The following BRIP1 variants were observed in gnomAD, a reference collection of about 807,000 sequenced individuals.
BRIP1 encodes BRCA1 interacting DNA helicase 1, also known as Fanconi anemia group J protein.
Under a neutral mutation model 119.7 loss-of-function variants are expected in BRIP1, and 88 were observed. The observed-to-expected ratio is 0.74, with a 90% confidence interval of 0.62 to 0.88. The LOEUF is 0.88. BRIP1 is among the 40% of genes least tolerant of loss of function. The pLI, the probability that BRIP1 is intolerant of heterozygous loss-of-function variation, is 0.00. For synonymous variants in BRIP1, 443 were observed against 496.5 expected (o/e 0.89, Z 1.43); for missense variants, 1,259 against 1,455.4 (o/e 0.87, Z 2.20).
intron 10 of BRIP1, among the ~76,000 whole-genome samples, chr17:61,787,271 A>C (rs2077738013): frequency 1.3e-5 from 1 of 79,020 alleles, no homozygotes; most frequent in African/African-American, 5.0e-5. Flanking sequence ...TAAAATATAT[A>C]AAAATATATT....
intron 14 of BRIP1, among the ~76,000 whole-genome samples, chr17:61,764,351 T>C (rs2077320246): frequency 6.6e-6 from 1 of 152,212 alleles, no homozygotes; most frequent in Non-Finnish European, 1.5e-5. Flanking sequence ...CATGTTAACC[T>C]ACCCTCAACT....
At chr17:61,719,867 C>T (rs992275198) in intron 16 of BRIP1, among the ~76,000 whole-genome samples, 6 of 151,950 alleles carry the variant, frequency 3.9e-5, no homozygotes, top group African/African-American at 9.7e-5. Flanking sequence ...CTCAGTCTGT[C>T]CCCCAGACTG....
rs1422958547 is a variant in BRIP1 at position 61,743,111 on chromosome 17, A to C, written c.2281T>G (p.Cys761Gly). ...EKDGALLVAV[C>G]RGKVSEGLDF... is the part of the protein sequence containing the mutation. ...AGACCCTCACTCACTTTACCACGACAAACTGCTACCAGGAGAGCTCCATCT... is the reference window on the plus strand; with the variant it reads ...AGACCCTCACTCACTTTACCACGACCAACTGCTACCAGGAGAGCTCCATCT... The change falls in exon 16 of 20, where the codon TGT becomes GGT. Residue 761 changes from cysteine (C) to glycine (G), a missense_variant. Around this residue, in one of 3 missense-constraint regions of BRIP1, gnomAD observed 753 missense variants for 891.8 expected, o/e 0.84. Coordinates refer to ENST00000259008, the MANE Select transcript of BRIP1 (RefSeq NM_032043.3). This position sits in a 1 kb window ranked among gnomAD's most constrained non-coding sequence, Gnocchi z 4.3. The C allele has an allele frequency of 6.2e-7, 1 of 1,613,924 alleles. No individual in the cohort carries two copies. The highest frequency in any genetic ancestry group is 8.5e-7 in the Non-Finnish European group (1 of 1,179,938).
Position 61,793,474 on chromosome 17 carries a change from TA to T in BRIP1, c.1473+122del, listed in dbSNP as rs2077849603. ...TATCAAATTTAGATAATAAAATTTT[TA>T]AAAAATTAAATTGCTATATTTAACA... On this transcript the variant is annotated intron_variant, in intron 10 of 19. Transcript: ENST00000259008. The surrounding 1 kb of genome is among the most constrained non-coding windows in gnomAD (Gnocchi z 5.2). The T allele has an allele frequency of 2.3e-6, 2 of 871,682 alleles. No homozygotes were observed. Among genetic ancestry groups the T allele is most frequent in the Middle Eastern group, 3.5e-4 (1 of 2,820 alleles). 54.0% of individuals were successfully genotyped at this position (871,682 alleles called of 1,614,324 possible).
In BRIP1 at chr17:61,816,737, G is replaced by C. The variant is rs2078242404; in HGVS notation, c.628-7980C>G. Among the ~76,000 whole-genome samples, 1 of 115,046 alleles carries C rather than the reference G, an allele frequency of 8.7e-6. No homozygotes were observed. Among genetic ancestry groups the C allele is most frequent in the Admixed American group, 8.4e-5 (1 of 11,884 alleles). The allele number at this position is 115,046 out of a possible 152,430, so 75.5% of individuals were successfully genotyped here. ...GATCAACTTCATGAGAAAAACCCAGGGTGTTTATAAAAAATAAAAAGGGGA... is the reference window on the plus strand; with the variant it reads ...GATCAACTTCATGAGAAAAACCCAGCGTGTTTATAAAAAATAAAAAGGGGA... On this transcript the variant is annotated intron_variant, in intron 6 of 19. Coordinates refer to ENST00000259008, the MANE Select transcript of BRIP1 (RefSeq NM_032043.3). The surrounding 1 kb of genome is among the most constrained non-coding windows in gnomAD (Gnocchi z 5.0).
At chr17:61,830,300 TA>T (rs35560519) in intron 6 of BRIP1, among the ~76,000 whole-genome samples, 3 of 137,292 alleles carry the variant, frequency 2.2e-5, no homozygotes, top group Non-Finnish European at 3.1e-5. Flanking sequence ...CAATGGTAAT[TA>T]AAAAAAAAAA....
chr17:61,780,538 G>A lies in BRIP1; in HGVS notation c.1795-137C>T. On this transcript the variant is annotated intron_variant, in intron 12 of 19. Transcript: ENST00000259008. This position sits in a 1 kb window ranked among gnomAD's most constrained non-coding sequence, Gnocchi z 5.4. ...AGTCTAGGAGTCTGAGACCAGCCTG[G>A]GCAATATGGTGAAACCCCGTCTCTA... The A allele has an allele frequency of 3.6e-6, 3 of 823,634 alleles. No homozygotes were observed. In the East Asian group the frequency reaches 7.8e-5, roughly 21 times the overall value. The allele number at this position is 823,634 out of a possible 1,614,324, so 51.0% of individuals were successfully genotyped here.
At position 61,682,948 on chromosome 17, in the gene BRIP1, A is replaced by T. The variant is rs1603274383; in HGVS notation, c.*348T>A. On this transcript the variant is annotated 3_prime_UTR_variant, in exon 20 of 20. Coordinates refer to ENST00000259008, the MANE Select transcript of BRIP1 (RefSeq NM_032043.3). The surrounding 1 kb of genome is among the most constrained non-coding windows in gnomAD (Gnocchi z 4.9). ...GGAGTTCGAGACCAGCCTGGCCAAC[A>T]TGGTGAAACCCCATCTCTACTAAAA... is the stretch of plus-strand genomic sequence containing the variant. 1 of 253,900 alleles carries T rather than the reference A, an allele frequency of 3.9e-6. No homozygotes were observed. Among genetic ancestry groups the T allele is most frequent in the East Asian group, 6.8e-5 (1 of 14,676 alleles). 15.7% of individuals were successfully genotyped at this position (253,900 alleles called of 1,614,324 possible). A position where few individuals can be genotyped will look rare whatever the true frequency, so the allele number is the denominator to read the frequency against.
At position 61,798,486 on chromosome 17, in the gene BRIP1, C is replaced by T. The variant is rs556410627; in HGVS notation, c.1340+614G>A. ...AATTTGTATACATTTTGTCTTCAAA[C>T]CATGTGACTGTGTAACATTCAAATT... On this transcript the variant is annotated intron_variant, in intron 9 of 19. Transcript: ENST00000259008. The surrounding 1 kb of genome is among the most constrained non-coding windows in gnomAD (Gnocchi z 5.5). Among the ~76,000 whole-genome samples, 15 of 151,978 alleles carry T rather than the reference C, an allele frequency of 9.9e-5. No homozygotes were observed. Among genetic ancestry groups the T allele is most frequent in the African/African-American group, 3.6e-4 (15 of 41,506 alleles).
At chr17:61,840,531 T>C (rs996007131) in intron 6 of BRIP1, among the ~76,000 whole-genome samples, 14 of 151,986 alleles carry the variant, frequency 9.2e-5, no homozygotes, top group Non-Finnish European at 1.8e-4. Flanking sequence ...AATCCTGGCA[T>C]TTTGGGAGGC....
Position 61,827,879 on chromosome 17 carries a change from T to C in BRIP1, c.628-19122A>G, listed in dbSNP as rs1486941346. Among the ~76,000 whole-genome samples the C allele has an allele frequency of 2.0e-5, 3 of 152,206 alleles. No homozygotes were observed. The highest frequency in any genetic ancestry group is 4.4e-5 in the Non-Finnish European group (3 of 68,030). ...CACTTCACACCCTTAAAAATGGCTA[T>C]TCTTTAAAAAGGACAACAAAACAGA... On this transcript the variant is annotated intron_variant, in intron 6 of 19. Coordinates refer to ENST00000259008, the MANE Select transcript of BRIP1 (RefSeq NM_032043.3). The surrounding 1 kb of genome is among the most constrained non-coding windows in gnomAD (Gnocchi z 5.8).
In BRIP1 at chr17:61,857,364, C is replaced by A. The variant is rs1048548868; in HGVS notation, c.206-133G>T. Reference sequence around the variant, plus strand: ...TTTTAGGGCTAACACCAGGAAGGTACCTGGCAAACCTGGACAAGCTGGTCA... The same window carrying A: ...TTTTAGGGCTAACACCAGGAAGGTAACTGGCAAACCTGGACAAGCTGGTCA... On this transcript the variant is annotated intron_variant, in intron 3 of 19. Transcript: ENST00000259008. The surrounding 1 kb of genome is among the most constrained non-coding windows in gnomAD (Gnocchi z 5.1). The A allele has an allele frequency of 2.8e-6, 2 of 723,364 alleles. No homozygotes were observed. Among genetic ancestry groups the A allele is most frequent in the Admixed American group, 2.9e-5 (1 of 34,470 alleles). The allele number at this position is 723,364 out of a possible 1,614,324, so 44.8% of individuals were successfully genotyped here.
rs146897538 is a variant in BRIP1 at position 61,800,699 on chromosome 17, G to C, written c.1140+554C>G. On this transcript the variant is annotated intron_variant, in intron 8 of 19. Transcript: ENST00000259008. ...TAACCAAATAAGAGGTAGGATAGAA[G>C]GGGTAGTAAACATAATGCCTATTAA... is the stretch of plus-strand genomic sequence containing the variant. Among the ~76,000 whole-genome samples the C allele has an allele frequency of 7.9e-5, 12 of 152,236 alleles. 1 individual carries two copies. The South Asian group carries it at 8.3e-4, about 11-fold the overall frequency.
intron 14 of BRIP1, among the ~76,000 whole-genome samples, chr17:61,772,254 A>G (rs2077466430): frequency 6.8e-6 from 1 of 146,624 alleles, no homozygotes; most frequent in Non-Finnish European, 1.5e-5. Context: ...GATGTATGCT[A>G]CAAGATGGAC....
At chr17:61,859,948 C>T in intron 2 of BRIP1, 41 bp from the exon 3 acceptor site, 1 of 1,368,376 alleles carries the variant, frequency 7.3e-7, no homozygotes, top group Non-Finnish European at 1.0e-6. Flanking sequence ...AACATATTAA[C>T]TTTATAAAGG....
Position 61,729,236 on chromosome 17 carries a change from G to T in BRIP1, c.2380-13173C>A, listed in dbSNP as rs879839690. Among the ~76,000 whole-genome samples the T allele has an allele frequency of 6.6e-6, 1 of 151,958 alleles. No individual in the cohort carries two copies. Among genetic ancestry groups the T allele is most frequent in the Non-Finnish European group, 1.5e-5 (1 of 67,996 alleles). On this transcript the variant is annotated intron_variant, in intron 16 of 19. Transcript: ENST00000259008. This position sits in a 1 kb window ranked among gnomAD's most constrained non-coding sequence, Gnocchi z 5.6. ...GGAGGTTGTGGTGAGCCAAGATCAC[G>T]CCATTGCACTCCAGCCTGGGAAACA...
chr17:61,735,813 A>T lies in BRIP1; in HGVS notation c.2379+7200T>A, dbSNP rs879318017. 5.9e-5 allele frequency among the ~76,000 whole-genome samples: 9 copies of T among 151,842 alleles called. No homozygotes were observed. The highest frequency in any genetic ancestry group is 1.3e-4 in the Non-Finnish European group (9 of 67,966). ...GAGACCCTGTTTTCAAAAAAATTTA[A>T]AAAAGACTGCCTCTTGGATGGATTA... On this transcript the variant is annotated intron_variant, in intron 16 of 19. Coordinates refer to ENST00000259008, the MANE Select transcript of BRIP1 (RefSeq NM_032043.3). The surrounding 1 kb of genome is among the most constrained non-coding windows in gnomAD (Gnocchi z 4.4).
rs1456083028 is a variant in BRIP1 at position 61,845,172 on chromosome 17, G to A, written c.627+1929C>T. On this transcript the variant is annotated intron_variant, in intron 6 of 19. Coordinates refer to ENST00000259008, the MANE Select transcript of BRIP1 (RefSeq NM_032043.3). The surrounding 1 kb of genome is among the most constrained non-coding windows in gnomAD (Gnocchi z 4.2). ...CATTATAATGATGTTGATGATTATT[G>A]CAATTTAACAGAAGAAGCTTCTACA... Among the ~76,000 whole-genome samples the A allele has an allele frequency of 1.3e-5, 2 of 152,164 alleles. No homozygotes were observed. Among genetic ancestry groups the A allele is most frequent in the African/African-American group, 4.8e-5 (2 of 41,428 alleles).
At position 61,687,696 on chromosome 17, in the gene BRIP1, T is replaced by A. The variant is rs1015456649; in HGVS notation, c.2576-1531A>T. Among the ~76,000 whole-genome samples the A allele has an allele frequency of 1.3e-5, 2 of 152,116 alleles. No homozygotes were observed. The highest frequency in any genetic ancestry group is 2.4e-5 in the African/African-American group (1 of 41,418). Reference sequence around the variant, plus strand: ...TTTAGTAATCACTCCTGGTATTGACTCTGAAAACTGTTTACTGTTGGATGA... The same window carrying A: ...TTTAGTAATCACTCCTGGTATTGACACTGAAAACTGTTTACTGTTGGATGA... On this transcript the variant is annotated intron_variant, in intron 18 of 19. Coordinates refer to ENST00000259008, the MANE Select transcript of BRIP1 (RefSeq NM_032043.3). The surrounding 1 kb of genome is among the most constrained non-coding windows in gnomAD (Gnocchi z 5.1).
Sources: gnomAD v4.1 joint callset for allele counts (sites outside exome capture counted in the v4.1 genomes callset) on GRCh38, gnomAD v4.1.1 for gene constraint, gnomAD v4.1.1 regional missense constraint, Gnocchi (gnomAD v3.1) non-coding constraint, MANE v1.5 for transcripts, NCBI Gene and HGNC (gene_info 2026-07-23, HGNC 2026-07-21) for gene names.